CCDC102B: variants seen among roughly 807,000 people sequenced by gnomAD.
CCDC102B encodes coiled-coil domain-containing protein 102B.
Under a neutral mutation model 57.4 loss-of-function variants are expected in CCDC102B, and 75 were observed. That is an observed-to-expected ratio of 1.31 (90% CI 1.08 to 1.58). CCDC102B has a LOEUF of 1.58. CCDC102B is among the 40% of genes most tolerant of loss of function. The pLI is 0.00. For missense variants in CCDC102B, 636 were observed against 582.6 expected (o/e 1.09, Z -0.94); for synonymous variants, 206 against 201.9 (o/e 1.02, Z -0.17).
intron 2 of CCDC102B, among the ~76,000 whole-genome samples, chr18:68,737,091 G>A (rs1210023789): frequency 6.6e-6 from 1 of 151,914 alleles, no homozygotes; most frequent in Non-Finnish European, 1.5e-5. Context: ...GGGTTGGGAG[G>A]AGTAGTCTCA....
chr18:68,983,700 A>G (rs2050653425), intron 6 of CCDC102B, among the ~76,000 whole-genome samples: 1 of 152,072 alleles, frequency 6.6e-6, no homozygotes, highest in East Asian at 1.9e-4. Flanking sequence ...GATTGCATTT[A>G]TTATTCATAA....
chr18:68,768,752 CTTATT>C (rs1448565242), intron 2 of CCDC102B, among the ~76,000 whole-genome samples: 4 of 151,478 alleles, frequency 2.6e-5, no homozygotes, highest in African/African-American at 4.8e-5. Flanking sequence ...ATATTTATTT[CTTATT>C]TTATTTAATT....
Position 68,770,739 on chromosome 18 carries a change from A to G in CCDC102B, c.-66-52627A>G, listed in dbSNP as rs686735. Among the ~76,000 whole-genome samples the G allele has an allele frequency of 3.6e-3, 552 of 152,384 alleles. 2 individuals carry two copies. The highest frequency in any genetic ancestry group is 0.013 in the African/African-American group (523 of 41,598). The stretch of plus-strand genomic sequence containing the variant: ...AATAGGATGGTTGATGCATTTTATT[A>G]CAAGGAAGCCTGTGTAATTTTGTAA... On this transcript the variant is annotated intron_variant, in intron 2 of 3. Coordinates refer to the CCDC102B transcript ENST00000578970.
At chr18:68,839,868 T>G (rs2037551856) in intron 3 of CCDC102B, among the ~76,000 whole-genome samples, 1 of 152,118 alleles carries the variant, frequency 6.6e-6, no homozygotes, top group African/African-American at 2.4e-5. Context: ...GTGGTGAGAA[T>G]CTCAAAGTCT....
intron 2 of CCDC102B, among the ~76,000 whole-genome samples, chr18:68,730,642 TTAATG>T (rs1228015537): frequency 6.6e-6 from 1 of 152,198 alleles, no homozygotes; most frequent in African/African-American, 2.4e-5. Context: ...ATGTTAAACA[TTAATG>T]TAATCTCACA....
chr18:68,775,229 T>C lies in CCDC102B; in HGVS notation c.-66-48137T>C, dbSNP rs546117495. On this transcript the variant is annotated intron_variant, in intron 2 of 3. Coordinates refer to the CCDC102B transcript ENST00000578970. The stretch of plus-strand genomic sequence containing the variant: ...ATTTTTGCAATGAATGACCTTCTTA[T>C]ACATTTTTTGTATTTTCACCAGTTT... 1.2e-4 allele frequency among the ~76,000 whole-genome samples: 18 copies of C among 152,168 alleles called. No homozygotes were observed. The South Asian group carries it at 3.7e-3, about 32-fold the overall frequency.
chr18:68,930,946 G>A (rs4539705), intron 6 of CCDC102B, among the ~76,000 whole-genome samples: 41,336 of 151,568 alleles, frequency 0.27, 7,138 homozygotes, highest in East Asian at 0.65. Context: ...CACATGATTT[G>A]TTTGAAAAGT....
chr18:68,933,751 A>G (rs2041755900), intron 6 of CCDC102B, among the ~76,000 whole-genome samples: 1 of 151,942 alleles, frequency 6.6e-6, no homozygotes, highest in Admixed American at 6.6e-5. Flanking sequence ...GAGTTCTACA[A>G]TATGATCATA....
chr18:68,989,860 C>CTT (rs1396866920), intron 6 of CCDC102B, among the ~76,000 whole-genome samples: 1 of 152,184 alleles, frequency 6.6e-6, no homozygotes, highest in Non-Finnish European at 1.5e-5. Context: ...AGCCACTAAC[C>CTT]GCTCCGCTAT....
chr18:68,942,574 G>A (rs2049408440), intron 6 of CCDC102B, among the ~76,000 whole-genome samples: 1 of 152,002 alleles, frequency 6.6e-6, no homozygotes, highest in African/African-American at 2.4e-5. Context: ...AGAAAAAAAT[G>A]CTGTGCTTTT....
intron 5 of CCDC102B, among the ~76,000 whole-genome samples, chr18:68,890,137 A>G (rs1283968740): frequency 6.6e-6 from 1 of 152,008 alleles, no homozygotes; most frequent in Non-Finnish European, 1.5e-5. Flanking sequence ...TACATTTACC[A>G]TTAAATGTTC....
intron 6 of CCDC102B, among the ~76,000 whole-genome samples, chr18:68,931,630 G>C (rs187042345): frequency 9.9e-5 from 15 of 151,904 alleles, no homozygotes; most frequent in South Asian, 2.1e-4. Flanking sequence ...GTCTAAAAAG[G>C]CTCCTTGGGA....
chr18:68,746,156 C>A (rs2033611521), intron 2 of CCDC102B, among the ~76,000 whole-genome samples: 1 of 152,160 alleles, frequency 6.6e-6, no homozygotes, highest in African/African-American at 2.4e-5. Context: ...GAAACAGACT[C>A]CAGATTTATG....
intron 6 of CCDC102B, among the ~76,000 whole-genome samples, chr18:69,005,210 G>GA (rs2051309867): frequency 6.6e-6 from 1 of 152,164 alleles, no homozygotes; most frequent in South Asian, 2.1e-4. Flanking sequence ...TTCGAGAAGA[G>GA]AAAATCTGCC....
Position 68,759,062 on chromosome 18 carries a change from G to A in CCDC102B, c.-67+42468G>A, listed in dbSNP as rs1256159632. 2.6e-5 allele frequency among the ~76,000 whole-genome samples: 4 copies of A among 151,396 alleles called. No homozygotes were observed. The East Asian group carries it at 7.8e-4, about 29-fold the overall frequency. The stretch of plus-strand genomic sequence containing the variant: ...AAAAAAACAACCAAGATACACTCAG[G>A]CTTGAAAAGAGCTTCTGGAAATTAA... On this transcript the variant is annotated intron_variant, in intron 2 of 3. Transcript: ENST00000578970.
intron 2 of CCDC102B, among the ~76,000 whole-genome samples, chr18:68,727,768 G>A (rs2032664877): frequency 6.6e-6 from 1 of 152,180 alleles, no homozygotes; most frequent in African/African-American, 2.4e-5. Context: ...AATTCTTCAT[G>A]GGAGAATAGA....
At chr18:69,040,389 T>G (rs1297290940) in intron 7 of CCDC102B, among the ~76,000 whole-genome samples, 1 of 5,392 alleles carries the variant, frequency 1.9e-4, no homozygotes, top group African/African-American at 2.6e-4. Context: ...TGCAGGGGTG[T>G]GTGTGTGTGT....
At chr18:68,799,037 T>A (rs2035742998) in intron 1 of CCDC102B, among the ~76,000 whole-genome samples, 1 of 152,062 alleles carries the variant, frequency 6.6e-6, no homozygotes, top group Non-Finnish European at 1.5e-5. Context: ...GTTTTTCTGT[T>A]TTCTAAAATA....
At chr18:68,745,950 T>TG (rs548286409) in intron 2 of CCDC102B, among the ~76,000 whole-genome samples, 2 of 152,116 alleles carry the variant, frequency 1.3e-5, no homozygotes, top group Non-Finnish European at 2.9e-5. Flanking sequence ...CAGGTGGGGA[T>TG]GGGGGGTACC....
Sources: gnomAD v4.1 joint callset for allele counts (sites outside exome capture counted in the v4.1 genomes callset) on GRCh38, gnomAD v4.1.1 for gene constraint, MANE v1.5 for transcripts, NCBI Gene and HGNC (gene_info 2026-07-23, HGNC 2026-07-21) for gene names.